Variants in RNF180 observed in about 807,000 individuals in gnomAD.
The protein encoded by RNF180 is E3 ubiquitin-protein ligase RNF180.
RNF180 carries 38 observed loss-of-function variants against 59.2 expected under a neutral mutation model. The ratio of observed to expected loss-of-function variants is 0.64; its 90% confidence interval spans 0.50 to 0.84. The LOEUF is 0.84. RNF180 is among the 40% of genes least tolerant of loss of function. The probability of loss-of-function intolerance (pLI) is 0.00; values close to 1 mark genes in which losing one functional copy is unlikely to be tolerated. For missense variants in RNF180, 705 were observed against 700.9 expected (o/e 1.01, Z -0.07); for synonymous variants, 262 against 240.3 (o/e 1.09, Z -0.84).
At chr5:64,318,396 G>GA (rs1403807067) in intron 5 of RNF180, among the ~76,000 whole-genome samples, 2 of 152,088 alleles carry the variant, frequency 1.3e-5, no homozygotes, top group Non-Finnish European at 2.9e-5. Flanking sequence ...TCCTGTGTAG[G>GA]ATGGCAAAAT....
intron 1 of RNF180, among the ~76,000 whole-genome samples, chr5:64,172,380 C>G (rs912809933): frequency 7.9e-5 from 12 of 152,092 alleles, no homozygotes; most frequent in Admixed American, 2.6e-4. Context: ...TGTCTCCCCC[C>G]ACCCCCCACA....
At chr5:64,187,874 C>A (rs1750948255) in intron 1 of RNF180, among the ~76,000 whole-genome samples, 1 of 152,164 alleles carries the variant, frequency 6.6e-6, no homozygotes, top group African/African-American at 2.4e-5. Context: ...CTAAGGTGTT[C>A]TTAAATGATT....
intron 1 of RNF180, among the ~76,000 whole-genome samples, chr5:64,168,711 G>A (rs1749778386): frequency 1.3e-5 from 2 of 152,052 alleles, no homozygotes; most frequent in African/African-American, 4.8e-5. Flanking sequence ...TGTTTTGAGT[G>A]TAATACAGCC....
chr5:64,354,936 G>A (rs917621051), intron 7 of RNF180, among the ~76,000 whole-genome samples: 3 of 151,698 alleles, frequency 2.0e-5, no homozygotes, highest in African/African-American at 7.3e-5. Flanking sequence ...CATGACACTG[G>A]GCACTTATGA....
intron 5 of RNF180, among the ~76,000 whole-genome samples, chr5:64,258,591 T>C (rs554661593): frequency 2.0e-5 from 3 of 152,236 alleles, no homozygotes; most frequent in Non-Finnish European, 4.4e-5. Flanking sequence ...GGAACAGTTT[T>C]GGGAGGGCAG....
intron 5 of RNF180, among the ~76,000 whole-genome samples, chr5:64,267,119 A>C (rs1182697622): frequency 2.0e-5 from 3 of 152,104 alleles, no homozygotes; most frequent in Admixed American, 6.6e-5. Flanking sequence ...ATTCTGAAAC[A>C]TCTCTGATCC....
chr5:64,266,425 TTA>T (rs1300874614), intron 5 of RNF180, among the ~76,000 whole-genome samples: 1 of 152,144 alleles, frequency 6.6e-6, no homozygotes, highest in African/African-American at 2.4e-5. Flanking sequence ...GCTTCTTCTT[TTA>T]TAAAGTTATT....
At chr5:64,359,707 G>A (rs950857739) in intron 7 of RNF180, among the ~76,000 whole-genome samples, 2 of 151,698 alleles carry the variant, frequency 1.3e-5, no homozygotes, top group Admixed American at 1.3e-4. Flanking sequence ...TGAAGTCCTT[G>A]CCCATGCCTA....
At chr5:64,266,984 A>G (rs1315891567) in intron 5 of RNF180, among the ~76,000 whole-genome samples, 2 of 152,152 alleles carry the variant, frequency 1.3e-5, no homozygotes. Flanking sequence ...TCTACTTAGC[A>G]TATATTTTCA....
intron 5 of RNF180, among the ~76,000 whole-genome samples, chr5:64,308,991 CTTCTT>C: frequency 6.6e-6 from 1 of 151,776 alleles, no homozygotes; most frequent in South Asian, 2.1e-4. Context: ...AATTTGCCCT[CTTCTT>C]TTCTCATCCT....
intron 2 of RNF180, among the ~76,000 whole-genome samples, chr5:64,211,690 A>G (rs998585882): frequency 7.9e-5 from 12 of 152,170 alleles, no homozygotes; most frequent in African/African-American, 2.2e-4. Flanking sequence ...TCTGTCATTA[A>G]TAGAATTCAG....
At chr5:64,205,496 G>C (rs1227033414) in intron 2 of RNF180, among the ~76,000 whole-genome samples, 1 of 152,164 alleles carries the variant, frequency 6.6e-6, no homozygotes, top group Non-Finnish European at 1.5e-5. Flanking sequence ...TGTGCAATCT[G>C]TGTTAGGGAG....
chr5:64,346,342 T>C (rs915929267), intron 7 of RNF180, among the ~76,000 whole-genome samples: 1 of 150,268 alleles, frequency 6.7e-6, no homozygotes, highest in African/African-American at 2.4e-5. Context: ...TTTCTATTCT[T>C]CTTTTTTTCT....
At chr5:64,356,601 A>C (rs1424765770) in intron 7 of RNF180, among the ~76,000 whole-genome samples, 8 of 151,938 alleles carry the variant, frequency 5.3e-5, no homozygotes, top group Admixed American at 5.3e-4. Context: ...AACAACCTAA[A>C]TTTCCATTAG....
intron 7 of RNF180, among the ~76,000 whole-genome samples, chr5:64,366,486 G>C (rs1746451420): frequency 6.6e-6 from 1 of 151,392 alleles, no homozygotes; most frequent in Non-Finnish European, 1.5e-5. Flanking sequence ...TTTGAATGTT[G>C]GCCTCTATAG....
In RNF180 at chr5:64,174,959, C is replaced by CTTT. The variant is rs370660214; in HGVS notation, c.-1+9030_-1+9032dup. On this transcript the variant is annotated intron_variant, in intron 1 of 7. Coordinates refer to ENST00000389100, the MANE Select transcript of RNF180 (RefSeq NM_001113561.2). ...TTACATTTAAGTCTTTAATCCAGTT[C>CTTT]TTTTTTTTTTTTTTTTTTTTTTTTT... Among the ~76,000 whole-genome samples, 163 of 84,736 alleles carry CTTT rather than the reference C, an allele frequency of 1.9e-3. 26 individuals are homozygous for CTTT. The highest frequency in any genetic ancestry group is 6.1e-3 in the African/African-American group (124 of 20,274). 55.6% of individuals were successfully genotyped at this position (84,736 alleles called of 152,430 possible).
intron 5 of RNF180, among the ~76,000 whole-genome samples, chr5:64,230,302 C>G (rs1331064978): frequency 1.3e-5 from 2 of 152,228 alleles, no homozygotes. Flanking sequence ...TATTACAGTT[C>G]TGTAGGTAAG....
rs1291870719 is a variant in RNF180 at position 64,330,305 on chromosome 5, T to G, written c.1478T>G (p.Phe493Cys). The G allele has an allele frequency of 6.6e-7, 1 of 1,510,814 alleles. No individual in the cohort carries two copies. The highest frequency in any genetic ancestry group is 9.0e-7 in the Non-Finnish European group (1 of 1,115,754). The allele number at this position is 1,510,814 out of a possible 1,614,324, so 93.6% of individuals were successfully genotyped here. A position where few individuals can be genotyped will look rare whatever the true frequency, so the allele number is the denominator to read the frequency against. The change falls in exon 7 of 8, where the codon TTC becomes TGC. Residue 493 changes from phenylalanine to cysteine, a missense_variant. Coordinates refer to ENST00000389100, the MANE Select transcript of RNF180 (RefSeq NM_001113561.2). The part of the protein sequence containing the change: ...QTELNNATKT[F>C]FTKEYLKIKQ... ...GAATTGAACAATGCCACAAAAACTT[T>G]CTTTACTAAAGAATATTTGAAAATA...
At chr5:64,308,558 G>T (rs1381040133) in intron 5 of RNF180, among the ~76,000 whole-genome samples, 1 of 151,676 alleles carries the variant, frequency 6.6e-6, no homozygotes, top group Non-Finnish European at 1.5e-5. Flanking sequence ...TTTTTCCAAG[G>T]AACAATGGTT....
Sources: allele counts gnomAD v4.1 joint callset (sites outside exome capture counted in the v4.1 genomes callset), GRCh38; gene constraint gnomAD v4.1.1; transcripts MANE v1.5; gene names NCBI Gene and HGNC (gene_info 2026-07-23, HGNC 2026-07-21).